NPNT: variants seen among roughly 807,000 people sequenced by gnomAD.
NPNT encodes the protein preosteoblast EGF-like repeat protein with MAM domain.
In NPNT, 45 loss-of-function variants were observed where a neutral mutation model predicts 68.6. The ratio of observed to expected loss-of-function variants is 0.66; its 90% CI spans 0.52 to 0.84. NPNT has a LOEUF of 0.84. Among genes scored for constraint, NPNT ranks in the 40% least tolerant of loss-of-function variants. NPNT has a pLI of 0.00. For missense variants in NPNT, 672 were observed against 714.8 expected (o/e 0.94, Z 0.68); for synonymous variants, 233 against 253.3 (o/e 0.92, Z 0.76).
rs969857578 is a variant in NPNT at position 105,928,631 on chromosome 4, GA to G, written c.265+1212del. On this transcript the variant is annotated intron_variant, in intron 3 of 11. Transcript: ENST00000379987. ...TCTGTCTCAAAAAAAAAAAAAAAAA[GA>G]AAAAAAAATCATTATTAGGAATTAA... 3.8e-4 allele frequency among the ~76,000 whole-genome samples: 50 copies of G among 132,868 alleles called. No individual in the cohort carries two copies. In the South Asian group the frequency reaches 4.8e-3, roughly 13 times the overall value. 87.2% of individuals were successfully genotyped at this position (132,868 alleles called of 152,430 possible).
chr4:105,947,512 C>A (rs1485878365), intron 8 of NPNT, among the ~76,000 whole-genome samples: 2 of 152,158 alleles, frequency 1.3e-5, no homozygotes, highest in Non-Finnish European at 2.9e-5. Flanking sequence ...CATCCCACCA[C>A]TGGAGCATTT....
chr4:105,936,573 A>G (rs1047950353), intron 3 of NPNT, among the ~76,000 whole-genome samples: 5 of 152,228 alleles, frequency 3.3e-5, no homozygotes, highest in African/African-American at 1.2e-4. Flanking sequence ...TTCTCATGTA[A>G]TATGTTCTTT....
At chr4:105,915,093 G>A (rs189661515) in intron 2 of NPNT, among the ~76,000 whole-genome samples, 1 of 152,272 alleles carries the variant, frequency 6.6e-6, no homozygotes, top group Non-Finnish European at 1.5e-5. Flanking sequence ...GTGTCTCACA[G>A]GAGACACGGA....
At chr4:105,961,633 T>C (rs913866950) in intron 10 of NPNT, among the ~76,000 whole-genome samples, 8 of 152,146 alleles carry the variant, frequency 5.3e-5, no homozygotes, top group East Asian at 1.9e-4. Flanking sequence ...TTCTCTCTGA[T>C]GGAAAAATGA....
At chr4:105,920,837 C>T (rs902914069) in intron 2 of NPNT, among the ~76,000 whole-genome samples, 2 of 152,010 alleles carry the variant, frequency 1.3e-5, no homozygotes, top group African/African-American at 4.8e-5. Context: ...TCTAAATTAC[C>T]ATTGAGTAAT....
chr4:105,967,113 A>G, intron 10 of NPNT, 75 bp from the exon 11 acceptor site: 2 of 1,408,680 alleles, frequency 1.4e-6, no homozygotes, highest in Non-Finnish European at 1.9e-6. Flanking sequence ...AAAAAAAACT[A>G]AAACTCCTGT....
chr4:105,924,691 A>G (rs1008066273), intron 2 of NPNT, among the ~76,000 whole-genome samples: 10 of 152,222 alleles, frequency 6.6e-5, no homozygotes, highest in African/African-American at 2.4e-4. Flanking sequence ...CTTTGGTCCT[A>G]TAAAGCACCT....
At chr4:105,905,947 TA>T (rs1726856914) in intron 2 of NPNT, among the ~76,000 whole-genome samples, 2 of 152,346 alleles carry the variant, frequency 1.3e-5, no homozygotes, top group East Asian at 1.9e-4. Flanking sequence ...GAAGATACCT[TA>T]AAAGATAAAT....
chr4:105,948,871 T>A (rs1730590978), intron 8 of NPNT, among the ~76,000 whole-genome samples: 1 of 152,158 alleles, frequency 6.6e-6, no homozygotes, highest in Non-Finnish European at 1.5e-5. Context: ...GTGCTGGGAT[T>A]CTAGGCATGA....
At chr4:105,914,399 A>T (rs915596163) in intron 2 of NPNT, among the ~76,000 whole-genome samples, 2 of 138,898 alleles carry the variant, frequency 1.4e-5, no homozygotes, top group Non-Finnish European at 3.1e-5. Flanking sequence ...TAAAAATAAT[A>T]TAATATATAT....
At chr4:105,933,313 C>T (rs1036473523) in intron 3 of NPNT, among the ~76,000 whole-genome samples, 2 of 152,130 alleles carry the variant, frequency 1.3e-5, no homozygotes, top group African/African-American at 2.4e-5. Flanking sequence ...TTAATGTCTT[C>T]GTCATGCTGG....
At chr4:105,920,118 CA>C (rs1175534291) in intron 2 of NPNT, among the ~76,000 whole-genome samples, 1 of 151,712 alleles carries the variant, frequency 6.6e-6, no homozygotes, top group East Asian at 1.9e-4. Context: ...TTTTTTTATT[CA>C]ATTGTTATCA....
intron 2 of NPNT, among the ~76,000 whole-genome samples, chr4:105,910,076 AAG>A (rs942515167): frequency 3.3e-5 from 5 of 152,144 alleles, no homozygotes; most frequent in South Asian, 2.1e-4. Flanking sequence ...AAAAAAAAAA[AAG>A]GCTCAGTTCT....
At chr4:105,947,351 C>T (rs7672530) in intron 8 of NPNT, among the ~76,000 whole-genome samples, 2 of 152,116 alleles carry the variant, frequency 1.3e-5, no homozygotes, top group African/African-American at 2.4e-5. Context: ...GAAGATAATA[C>T]GATTAAGAGA....
chr4:105,966,285 T>C (rs72956798), intron 10 of NPNT, among the ~76,000 whole-genome samples: 4,294 of 152,238 alleles, frequency 0.028, 188 homozygotes, highest in African/African-American at 0.096. Flanking sequence ...CTTGCAACTT[T>C]CTCTCTCTTG....
chr4:105,911,808 G>T, intron 2 of NPNT: 1 of 201,588 alleles, frequency 5.0e-6, no homozygotes, highest in Non-Finnish European at 1.0e-5. Flanking sequence ...TTTTTCAGAT[G>T]TGTTTTCCAA....
intron 2 of NPNT, among the ~76,000 whole-genome samples, chr4:105,913,457 A>T (rs999310910): frequency 6.6e-6 from 1 of 152,228 alleles, no homozygotes; most frequent in Non-Finnish European, 1.5e-5. Context: ...CCTATGACTT[A>T]CCACCTGTAA....
intron 2 of NPNT, among the ~76,000 whole-genome samples, chr4:105,900,629 G>A (rs1726321489): frequency 6.6e-6 from 1 of 152,048 alleles, no homozygotes; most frequent in Admixed American, 6.6e-5. Context: ...GATATAGCTG[G>A]GAAACTTTAT....
intron 10 of NPNT, among the ~76,000 whole-genome samples, chr4:105,961,961 A>C (rs752980983): frequency 2.6e-5 from 4 of 152,224 alleles, no homozygotes; most frequent in Non-Finnish European, 5.9e-5. Flanking sequence ...CACAATTAAG[A>C]AGGTGAAATG....
Sources: gnomAD v4.1 joint callset for allele counts (sites outside exome capture counted in the v4.1 genomes callset) on GRCh38, gnomAD v4.1.1 for gene constraint, MANE v1.5 for transcripts, NCBI Gene and HGNC (gene_info 2026-07-23, HGNC 2026-07-21) for gene names.